ZNF680: variants seen among roughly 807,000 people sequenced by gnomAD.
ZNF680 encodes the protein hypothetical protein FLJ90430.
In ZNF680, 6 loss-of-function variants were observed where a neutral mutation model predicts 12.1. The observed-to-expected ratio is 0.49, with a 90% CI of 0.27 to 0.98. ZNF680 has a LOEUF of 0.98. Among genes scored for constraint, ZNF680 ranks in the 50% least tolerant of loss-of-function variants. ZNF680 has a pLI of 0.12. For synonymous variants in ZNF680, 170 were observed against 199.3 expected (o/e 0.85, Z 1.24); for missense variants, 561 against 616.3 (o/e 0.91, Z 0.95).
At chr7:64,505,746 T>G in the ZNF680 span, among the ~76,000 whole-genome samples, 18 of 152,112 alleles carry the variant, frequency 1.2e-4, no homozygotes, top group African/African-American at 4.3e-4. Context: ...AGAGGTGATT[T>G]TTTTTCTTTT....
chr7:64,521,254 G>T lies in ZNF680; in HGVS notation c.1500C>A (p.Asn500Lys), dbSNP rs1222590106. ...YKCEECGKAF[N>K]RSSHLTRHKK... ...TATGTCTAGTAAGGTGTGAGGACCG[G>T]TTAAAAGCTTTGCCACATTCTTCAC... Residue 500 changes from asparagine (N) to lysine (K), a missense_variant, in exon 4 of 4, where the codon AAC becomes AAA. Asn to Lys is a moderately conservative substitution (Grantham distance 94). Coordinates refer to ENST00000309683, the MANE Select transcript of ZNF680 (RefSeq NM_178558.5). 1.2e-6 allele frequency: 2 copies of T among 1,613,432 alleles called. No homozygotes were observed. The highest frequency in any genetic ancestry group is 1.7e-5 in the Admixed American group (1 of 59,962).
intron 1 of ZNF680, among the ~76,000 whole-genome samples, chr7:64,554,281 C>T (rs1469374122): frequency 1.3e-5 from 2 of 151,650 alleles, no homozygotes; most frequent in Non-Finnish European, 2.9e-5. Flanking sequence ...GCCGCCAACC[C>T]GTCTGGGAAG....
intron 1 of ZNF680, among the ~76,000 whole-genome samples, chr7:64,554,472 G>C (rs1040300163): frequency 3.9e-5 from 6 of 152,180 alleles, no homozygotes; most frequent in Non-Finnish European, 8.8e-5. Context: ...CCTCTGACCG[G>C]CTGCCCCGTC....
intron 3 of ZNF680, among the ~76,000 whole-genome samples, chr7:64,543,269 A>G (rs1483692354): frequency 3.3e-5 from 5 of 152,134 alleles, no homozygotes; most frequent in Admixed American, 2.6e-4. Context: ...AAAAAAGACT[A>G]TAATAATAAA....
intron 3 of ZNF680, among the ~76,000 whole-genome samples, chr7:64,539,288 T>C (rs1178275478): frequency 2.1e-4 from 28 of 132,200 alleles, no homozygotes; most frequent in African/African-American, 8.1e-4. Flanking sequence ...ACCTGGGAGG[T>C]AGAGGTGAGC....
chr7:64,523,096 GAT>G (rs2116368689), intron 3 of ZNF680, among the ~76,000 whole-genome samples: 1 of 152,038 alleles, frequency 6.6e-6, no homozygotes, highest in South Asian at 2.1e-4. Context: ...TTATGAAAAA[GAT>G]ATGCACATAC....
intron 3 of ZNF680, among the ~76,000 whole-genome samples, chr7:64,532,535 G>T (rs1009569304): frequency 6.9e-6 from 1 of 144,002 alleles, no homozygotes; most frequent in Non-Finnish European, 1.6e-5. Flanking sequence ...GGTAATTTTA[G>T]AATTACCAAC....
At chr7:64,506,907 T>C in the ZNF680 span, among the ~76,000 whole-genome samples, 1 of 152,198 alleles carries the variant, frequency 6.6e-6, no homozygotes, top group Non-Finnish European at 1.5e-5. Flanking sequence ...GAATTAAATT[T>C]ATTAACACAT....
intron 1 of ZNF680, among the ~76,000 whole-genome samples, chr7:64,558,445 C>G (rs74545774): frequency 0.068 from 10,292 of 152,132 alleles, 502 homozygotes; most frequent in Admixed American, 0.1. Flanking sequence ...TCAGTCCTCT[C>G]TCACCCTGGG....
intron 3 of ZNF680, among the ~76,000 whole-genome samples, chr7:64,529,084 A>G (rs1168821860): frequency 6.6e-6 from 1 of 152,170 alleles, no homozygotes; most frequent in Non-Finnish European, 1.5e-5. Context: ...AACAATCAAT[A>G]CAGCTCGGCT....
intron 3 of ZNF680, among the ~76,000 whole-genome samples, chr7:64,539,377 AAAAG>A (rs1786375536): frequency 1.1e-5 from 1 of 88,918 alleles, no homozygotes; most frequent in Non-Finnish European, 2.4e-5. Context: ...AAAAAAAAAG[AAAAG>A]AAAATCTTGT....
chr7:64,561,201 CCAGGAGATTTCT>C (rs1324072337), intron 1 of ZNF680: 1 of 155,318 alleles, frequency 6.4e-6, no homozygotes, highest in Non-Finnish European at 1.4e-5. Context: ...GAAGAGTGCA[CCAGGAGATTTCT>C]CTCAGCTCCA....
At chr7:64,536,425 C>T (rs1786172583) in intron 3 of ZNF680, among the ~76,000 whole-genome samples, 1 of 152,176 alleles carries the variant, frequency 6.6e-6, no homozygotes, top group Non-Finnish European at 1.5e-5. Flanking sequence ...GGACATATCA[C>T]ATGGTAAGAG....
chr7:64,562,502 G>A (rs1306284475), intron 1 of ZNF680, among the ~76,000 whole-genome samples: 1 of 152,118 alleles, frequency 6.6e-6, no homozygotes, highest in Non-Finnish European at 1.5e-5. Context: ...ATAGCTGGGT[G>A]CTCTACGATT....
chr7:64,510,936 TAAAAATAAAAATA>T, the ZNF680 span, among the ~76,000 whole-genome samples: 476 of 78,862 alleles, frequency 6.0e-3, 71 homozygotes, highest in African/African-American at 0.015. Flanking sequence ...AAATAAAAAA[TAAAAATAAAAATA>T]AAAATAAAAC....
At chr7:64,517,334 C>T (rs1432964461), downstream of ZNF680, among the ~76,000 whole-genome samples, 2 of 151,976 alleles carry the variant, frequency 1.3e-5, no homozygotes, top group Non-Finnish European at 2.9e-5. Flanking sequence ...CACACATAAA[C>T]ACAAAAATCT....
intron 3 of ZNF680, among the ~76,000 whole-genome samples, chr7:64,529,385 G>A (rs115219735): frequency 0.016 from 2,399 of 152,272 alleles, 49 homozygotes; most frequent in African/African-American, 0.055. Context: ...AGAGAAAGGC[G>A]AAGCCCAGTG....
At chr7:64,522,932 G>GAA (rs1037815463) in intron 3 of ZNF680, among the ~76,000 whole-genome samples, 6 of 145,716 alleles carry the variant, frequency 4.1e-5, no homozygotes, top group African/African-American at 1.5e-4. Flanking sequence ...CTACAAAATG[G>GAA]AAAAAAAAAA....
At chr7:64,555,389 G>A (rs1787354420) in intron 1 of ZNF680, among the ~76,000 whole-genome samples, 1 of 150,052 alleles carries the variant, frequency 6.7e-6, no homozygotes, top group African/African-American at 2.4e-5. Flanking sequence ...TGGAAATTAT[G>A]CCACCTGAGT....
Sources: allele counts gnomAD v4.1 joint callset (sites outside exome capture counted in the v4.1 genomes callset), GRCh38; gene constraint gnomAD v4.1.1; transcripts MANE v1.5; gene names NCBI Gene and HGNC (gene_info 2026-07-23, HGNC 2026-07-21).